Variants in CTNNA3 observed in about 807,000 individuals in gnomAD.
The protein encoded by CTNNA3 is catenin alpha 3.
Under a neutral mutation model 95.7 loss-of-function variants are expected in CTNNA3, and 76 were observed. The ratio of observed to expected loss-of-function variants is 0.79; its 90% CI spans 0.66 to 0.96. The LOEUF is 0.96. Ranked by LOEUF, CTNNA3 falls within the 40% of genes least tolerant of loss-of-function variation. The pLI, the probability that CTNNA3 is intolerant of heterozygous loss-of-function variation, is 0.00. For missense variants in CTNNA3, 1,191 were observed against 1,089.8 expected (o/e 1.09, Z -1.31); for synonymous variants, 431 against 374.4 (o/e 1.15, Z -1.74).
At position 67,407,368 on chromosome 10, in the gene CTNNA3, T is replaced by A. The variant is rs546853604; in HGVS notation, c.579+114474A>T. On this transcript the variant is annotated intron_variant, in intron 5 of 17. Coordinates refer to ENST00000433211, the MANE Select transcript of CTNNA3 (RefSeq NM_013266.4). Reference sequence around the variant, plus strand: ...GAAAGGCCTTTGGTAAAAATTAGCATCCTTTCATGTAAAAAGCTCTCAATA... The same window carrying A: ...GAAAGGCCTTTGGTAAAAATTAGCAACCTTTCATGTAAAAAGCTCTCAATA... 7.6e-4 allele frequency among the ~76,000 whole-genome samples: 116 copies of A among 152,212 alleles called. No homozygotes were observed. In the Middle Eastern group the frequency reaches 0.014, roughly 18 times the overall value.
chr10:66,423,646 C>A (rs977370298), intron 11 of CTNNA3, among the ~76,000 whole-genome samples: 1 of 152,134 alleles, frequency 6.6e-6, no homozygotes, highest in South Asian at 2.1e-4. Context: ...AAGGTAACTT[C>A]CCCTCTGATC....
intron 1 of CTNNA3, among the ~76,000 whole-genome samples, chr10:67,734,950 A>G (rs564555829): frequency 6.6e-6 from 1 of 152,320 alleles, no homozygotes; most frequent in Non-Finnish European, 1.5e-5. Context: ...CAATATGGAA[A>G]TGTCTTTAAG....
intron 1 of CTNNA3, among the ~76,000 whole-genome samples, chr10:67,736,142 A>G (rs1841301066): frequency 6.6e-6 from 1 of 152,230 alleles, no homozygotes; most frequent in Non-Finnish European, 1.5e-5. Flanking sequence ...TACATGCTAT[A>G]ACATGGACAA....
At chr10:67,170,716 A>C (rs1861981274) in intron 7 of CTNNA3, among the ~76,000 whole-genome samples, 1 of 152,172 alleles carries the variant, frequency 6.6e-6, no homozygotes, top group Admixed American at 6.5e-5. Flanking sequence ...ACAAACTCCC[A>C]TGCCACAAGT....
intron 15 of CTNNA3, among the ~76,000 whole-genome samples, chr10:66,054,619 T>TA (rs535509339): frequency 1.5e-4 from 23 of 152,344 alleles, no homozygotes; most frequent in Middle Eastern, 3.4e-3. Flanking sequence ...TTCTGGCTAT[T>TA]AATCTCTTGT....
At chr10:67,641,163 A>G (rs1338902527) in intron 2 of CTNNA3, among the ~76,000 whole-genome samples, 2 of 152,212 alleles carry the variant, frequency 1.3e-5, no homozygotes, top group Non-Finnish European at 2.9e-5. Context: ...TTACAAGAAA[A>G]AAAACAAACA....
At chr10:66,645,448 A>G (rs1845674279) in intron 9 of CTNNA3, among the ~76,000 whole-genome samples, 1 of 152,210 alleles carries the variant, frequency 6.6e-6, no homozygotes, top group Non-Finnish European at 1.5e-5. Context: ...TTGCTCCAAC[A>G]CCATTTGTGG....
chr10:66,619,301 G>T (rs923833443), intron 10 of CTNNA3, among the ~76,000 whole-genome samples: 3 of 150,996 alleles, frequency 2.0e-5, no homozygotes, highest in Non-Finnish European at 4.4e-5. Context: ...GCAAAGACTT[G>T]GAACAAACCC....
At chr10:67,640,179 C>A (rs951722640) in intron 2 of CTNNA3, among the ~76,000 whole-genome samples, 29 of 149,256 alleles carry the variant, frequency 1.9e-4, no homozygotes, top group African/African-American at 5.9e-4. Context: ...AATCAATGTG[C>A]AAAAATCACA....
At chr10:67,581,007 G>C (rs1355313800) in intron 3 of CTNNA3, among the ~76,000 whole-genome samples, 6 of 152,140 alleles carry the variant, frequency 3.9e-5, no homozygotes, top group Non-Finnish European at 8.8e-5. Context: ...TCTGCAAACA[G>C]AGACAATTTG....
chr10:66,401,453 G>A (rs2093019793), intron 11 of CTNNA3, among the ~76,000 whole-genome samples: 1 of 151,090 alleles, frequency 6.6e-6, no homozygotes, highest in African/African-American at 2.4e-5. Context: ...TGAAGTGGAG[G>A]TTGCTGTGAG....
At chr10:67,403,888 C>G (rs560012151) in intron 5 of CTNNA3, among the ~76,000 whole-genome samples, 2 of 152,170 alleles carry the variant, frequency 1.3e-5, no homozygotes, top group Non-Finnish European at 2.9e-5. Context: ...TGTTTTGCAG[C>G]CTTCACCGGT....
At chr10:67,340,735 A>G (rs536794966) in intron 5 of CTNNA3, among the ~76,000 whole-genome samples, 1 of 152,374 alleles carries the variant, frequency 6.6e-6, no homozygotes, top group Admixed American at 6.5e-5. Flanking sequence ...CAAGTTGTTA[A>G]GCAATTTTAC....
intron 5 of CTNNA3, among the ~76,000 whole-genome samples, chr10:67,457,598 A>T (rs557509335): frequency 6.6e-6 from 1 of 152,178 alleles, no homozygotes; most frequent in Non-Finnish European, 1.5e-5. Flanking sequence ...AACAACACAA[A>T]TTATCATTTT....
At chr10:66,360,647 C>CCT (rs2092651677) in intron 12 of CTNNA3, among the ~76,000 whole-genome samples, 1 of 61,498 alleles carries the variant, frequency 1.6e-5, no homozygotes, top group African/African-American at 7.2e-5. Context: ...TTCTTTCTTT[C>CCT]TTTCTTTCTT....
intron 11 of CTNNA3, among the ~76,000 whole-genome samples, chr10:66,441,065 G>A (rs61867209): frequency 0.26 from 40,273 of 152,066 alleles, 5,491 homozygotes; most frequent in South Asian, 0.39. Flanking sequence ...TGGGTGCCAT[G>A]GCTCACACCT....
chr10:67,401,105 C>T (rs2132807059), intron 5 of CTNNA3, among the ~76,000 whole-genome samples: 1 of 152,112 alleles, frequency 6.6e-6, no homozygotes, highest in African/African-American at 2.4e-5. Flanking sequence ...ATAAAAGTGA[C>T]CCTTTTCCCC....
intron 5 of CTNNA3, among the ~76,000 whole-genome samples, chr10:67,416,223 C>A (rs373959817): frequency 1.3e-5 from 2 of 151,994 alleles, no homozygotes; most frequent in South Asian, 2.1e-4. Context: ...TAGAATGATA[C>A]AAGATATTTG....
At chr10:67,654,996 T>G (rs1290702272) in intron 1 of CTNNA3, among the ~76,000 whole-genome samples, 1 of 152,220 alleles carries the variant, frequency 6.6e-6, no homozygotes, top group African/African-American at 2.4e-5. Context: ...TATTAGTATA[T>G]CTGTGATTAT....
Sources: allele counts gnomAD v4.1 joint callset (sites outside exome capture counted in the v4.1 genomes callset), GRCh38; gene constraint gnomAD v4.1.1; transcripts MANE v1.5; gene names NCBI Gene and HGNC (gene_info 2026-07-23, HGNC 2026-07-21).